CCT3: variants seen among roughly 807,000 people sequenced by gnomAD.
CCT3 encodes the protein chaperonin containing TCP1 subunit 3.
CCT3 carries 10 observed loss-of-function variants against 65.3 expected under a neutral mutation model. The observed-to-expected ratio is 0.15, with a 90% CI of 0.09 to 0.26. CCT3 has a LOEUF of 0.26. Among genes scored for constraint, CCT3 ranks in the 10% least tolerant of loss-of-function variants. CCT3 has a pLI of 1.00. For synonymous variants in CCT3, 225 were observed against 242.3 expected (o/e 0.93, Z 0.66); for missense variants, 626 against 708.7 (o/e 0.88, Z 1.33).
chr1:156,337,393 G>A (rs1167778305), intron 1 of CCT3: 1 of 174,736 alleles, frequency 5.7e-6, no homozygotes, highest in Non-Finnish European at 1.2e-5. Context: ...GGGTGACAGA[G>A]CGAGACTTTG....
intron 10 of CCT3, 149 bp from the exon 11 acceptor site, chr1:156,312,370 T>C (rs938626017): frequency 2.9e-5 from 18 of 631,020 alleles, no homozygotes; most frequent in Non-Finnish European, 3.3e-5. Flanking sequence ...GTGAAAAAGA[T>C]TTTCAGGGGG....
At position 156,333,533 on chromosome 1, in the gene CCT3, T is replaced by G; in HGVS notation, c.304+14A>C. ...TTCTAATTTTTCCTTATCAACCTCT[T>G]ATTCTCCTCTTACCAAGAATAATTA... On this transcript the variant is annotated intron_variant, in intron 5 of 13. Coordinates refer to ENST00000295688, the MANE Select transcript of CCT3 (RefSeq NM_005998.5). 1.9e-6 allele frequency: 3 copies of G among 1,599,002 alleles called. No homozygotes were observed. The highest frequency in any genetic ancestry group is 2.6e-6 in the Non-Finnish European group (3 of 1,166,612).
chr1:156,325,971 C>T (rs937389378), intron 5 of CCT3, among the ~76,000 whole-genome samples: 3 of 152,030 alleles, frequency 2.0e-5, no homozygotes, highest in African/African-American at 4.8e-5. Flanking sequence ...TTTATTAGTA[C>T]CTTTATACCT....
Position 156,334,910 on chromosome 1 carries a change from T to C in CCT3, c.102A>G (p.Ala34=). The C allele has an allele frequency of 1.9e-6, 3 of 1,614,022 alleles. No individual in the cohort carries two copies. The highest frequency in any genetic ancestry group is 2.5e-6 in the Non-Finnish European group (3 of 1,179,890). The change falls in exon 3 of 14, where the codon GCA becomes GCG. Residue 34 remains alanine, a synonymous_variant. Transcript: ENST00000295688. ...GTCCCAAACATGTTCGGATGATATC[T>C]GCAATAGTCTAATGGAAAGGGAACA... ...SGNINAAKTI[A]DIIRTCLGPK... is the part of the protein sequence containing the mutation.
chr1:156,311,517 T>G (rs559762056), intron 11 of CCT3, among the ~76,000 whole-genome samples: 37 of 152,222 alleles, frequency 2.4e-4, no homozygotes, highest in Non-Finnish European at 8.8e-5. Flanking sequence ...ATAAACAGCA[T>G]GTATCTTGAT....
chr1:156,313,250 A>G (rs993013488), intron 10 of CCT3, among the ~76,000 whole-genome samples: 1 of 151,488 alleles, frequency 6.6e-6, no homozygotes, highest in African/African-American at 2.4e-5. Context: ...GAGGCAGGAG[A>G]ATCACTTGAA....
chr1:156,332,204 C>T (rs370768299), intron 5 of CCT3, among the ~76,000 whole-genome samples: 3 of 152,066 alleles, frequency 2.0e-5, no homozygotes, highest in Admixed American at 1.3e-4. Context: ...TACAGTGACG[C>T]GGTCTCTCCA....
intron 8 of CCT3, among the ~76,000 whole-genome samples, chr1:156,318,248 CAG>C (rs1664393961): frequency 8.0e-6 from 1 of 125,420 alleles, no homozygotes; most frequent in Admixed American, 8.8e-5. Context: ...TTTTTTGAGA[CAG>C]GGTCTCACTG....
chr1:156,317,314 A>G (rs1664350510), intron 9 of CCT3, 67 bp from the exon 10 acceptor site: 3 of 1,599,738 alleles, frequency 1.9e-6, no homozygotes, highest in Non-Finnish European at 1.7e-6. Flanking sequence ...AGTACTCTTA[A>G]CCATGACACT....
intron 7 of CCT3, 85 bp from the exon 8 acceptor site, chr1:156,319,102 G>T: frequency 8.3e-7 from 1 of 1,207,176 alleles, no homozygotes. Flanking sequence ...TTCCCAAACA[G>T]CTAGTGTTTC....
rs1663959766 is a variant in CCT3 at position 156,309,090 on chromosome 1, C to G, written c.*109G>C. The G allele has an allele frequency of 9.2e-6, 7 of 761,406 alleles. No homozygotes were observed. In the Admixed American group the frequency reaches 1.2e-4, roughly 13 times the overall value. 47.2% of individuals were successfully genotyped at this position (761,406 alleles called of 1,614,324 possible). On this transcript the variant is annotated 3_prime_UTR_variant, in exon 14 of 14. Transcript: ENST00000295688. ...ACAGAAAGGGACTGGGGGCTGCCCC[C>G]CAACCTGATCCCTTCTGAACAAAGA...
At chr1:156,323,133 CCT>C (rs1349934264) in intron 6 of CCT3, among the ~76,000 whole-genome samples, 1 of 151,588 alleles carries the variant, frequency 6.6e-6, no homozygotes. Context: ...ATGGAGAAAC[CCT>C]GTCTCTACTA....
At chr1:156,335,049 T>C (rs1276032239) in intron 2 of CCT3, 131 bp from the exon 3 acceptor site, 8 of 716,364 alleles carry the variant, frequency 1.1e-5, no homozygotes, top group South Asian at 6.3e-5. Flanking sequence ...TTTTATTTTA[T>C]TTTTAGATAT....
intron 13 of CCT3, among the ~76,000 whole-genome samples, chr1:156,309,686 A>G (rs1663995281): frequency 6.6e-6 from 1 of 151,772 alleles, no homozygotes; most frequent in Non-Finnish European, 1.5e-5. Context: ...TTAGCCTCCC[A>G]AAGTGCTGGG....
At chr1:156,317,821 G>A (rs1664372358) in intron 8 of CCT3, among the ~76,000 whole-genome samples, 1 of 151,350 alleles carries the variant, frequency 6.6e-6, no homozygotes, top group Non-Finnish European at 1.5e-5. Context: ...CGATTCTCCT[G>A]CCTCAGCCTC....
rs201299234 is a variant in CCT3 at position 156,333,657 on chromosome 1, T to A, written c.208-14A>T. 6.2e-6 allele frequency: 10 copies of A among 1,605,520 alleles called. No homozygotes were observed. The highest frequency in any genetic ancestry group is 8.5e-6 in the Non-Finnish European group (10 of 1,172,342). Reference sequence around the variant, plus strand: ...CTGGACTTGAATCTAAAAAGGTAGATCACTAGTGAATTCACACTATTCAAA... The same window carrying A: ...CTGGACTTGAATCTAAAAAGGTAGAACACTAGTGAATTCACACTATTCAAA... On this transcript the variant is annotated splice_polypyrimidine_tract_variant and intron_variant, in intron 4 of 13. Transcript: ENST00000295688.
intron 5 of CCT3, chr1:156,332,860 A>G (rs1665163316): frequency 6.6e-6 from 1 of 152,488 alleles, no homozygotes; most frequent in South Asian, 2.1e-4. Flanking sequence ...AATCAACTAT[A>G]TATATTAAAT....
At chr1:156,338,075 C>T in intron 1 of CCT3, 79 bp downstream of exon 1, 1 of 1,492,344 alleles carries the variant, frequency 6.7e-7, no homozygotes, top group Non-Finnish European at 9.2e-7. Flanking sequence ...CAGTGGGGGA[C>T]GGAGCTGGGG....
In CCT3 at chr1:156,338,247, GA is replaced by G; in HGVS notation, c.-64del. On this transcript the variant is annotated 5_prime_UTR_variant, in exon 1 of 14. Coordinates refer to ENST00000295688, the MANE Select transcript of CCT3 (RefSeq NM_005998.5). ...GAACCGGCAGAACCTTCTGGAGAGAGAGAACCAGACAGAAGCCCAGAAAACG... is the reference window on the plus strand; with the variant it reads ...GAACCGGCAGAACCTTCTGGAGAGAGGAACCAGACAGAAGCCCAGAAAACG... 6.5e-7 allele frequency: 1 copy of G among 1,533,596 alleles called. No individual in the cohort carries two copies. Among genetic ancestry groups the G allele is most frequent in the Non-Finnish European group, 8.9e-7 (1 of 1,127,814 alleles). The allele number at this position is 1,533,596 out of a possible 1,614,324, so 95.0% of individuals were successfully genotyped here.
Sources: allele counts gnomAD v4.1 joint callset (sites outside exome capture counted in the v4.1 genomes callset), GRCh38; gene constraint gnomAD v4.1.1; transcripts MANE v1.5; gene names NCBI Gene and HGNC (gene_info 2026-07-23, HGNC 2026-07-21).